Variants in GLB1L2 observed in about 807,000 individuals in gnomAD.
The protein encoded by GLB1L2 is galactosidase beta 1 like 2.
Under a neutral mutation model 84.1 loss-of-function variants are expected in GLB1L2, and 68 were observed. The observed-to-expected ratio is 0.81, with a 90% CI of 0.67 to 0.99. The LOEUF is 0.99. Ranked by LOEUF, GLB1L2 falls within the 50% of genes least tolerant of loss-of-function variation. The pLI is 0.00. For synonymous variants in GLB1L2, 290 were observed against 318.0 expected (o/e 0.91, Z 0.94); for missense variants, 762 against 805.6 (o/e 0.95, Z 0.66).
At chr11:134,361,834 C>T (rs1169575387) in intron 7 of GLB1L2, among the ~76,000 whole-genome samples, 1 of 152,104 alleles carries the variant, frequency 6.6e-6, no homozygotes, top group Admixed American at 6.5e-5. Context: ...CTTGGTGCTC[C>T]GTGGCTTCCC....
intron 15 of GLB1L2, among the ~76,000 whole-genome samples, chr11:134,372,260 T>C (rs545353263): frequency 2.6e-5 from 4 of 152,170 alleles, no homozygotes; most frequent in Non-Finnish European, 5.9e-5. Flanking sequence ...ATCTCAGATG[T>C]TGGGGGAGGA....
In GLB1L2 at chr11:134,368,639, G is replaced by A. The variant is rs374163223; in HGVS notation, c.890-5G>A. 34 of 1,613,278 alleles carry A rather than the reference G, an allele frequency of 2.1e-5. No homozygotes were observed. Among genetic ancestry groups the A allele is most frequent in the East Asian group, 6.7e-5 (3 of 44,900 alleles). On this transcript the variant is annotated splice_polypyrimidine_tract_variant and splice_region_variant and intron_variant, in intron 9 of 18. Coordinates refer to ENST00000535456, the MANE Select transcript of GLB1L2 (RefSeq NM_001370461.1). ...TGCACATCCCCTTTCTCCCTCCTCC[G>A]GCAGAGGTTTTGAAAACCGTGTCTG... is the stretch of plus-strand genomic sequence containing the variant.
At position 134,370,903 on chromosome 11, in the gene GLB1L2, C is replaced by A; in HGVS notation, c.1216-105C>A. ...AATGAGAAGTCAAAGTAGAAAACAC[C>A]CACCAAACCTCCGCTTCCACCCCAT... On this transcript the variant is annotated intron_variant, in intron 12 of 18. Transcript: ENST00000535456. The surrounding 1 kb of genome is among the most constrained non-coding windows in gnomAD (Gnocchi z 4.7). The A allele has an allele frequency of 7.7e-7, 1 of 1,291,832 alleles. No homozygotes were observed. The highest frequency in any genetic ancestry group is 1.1e-6 in the Non-Finnish European group (1 of 921,086). The allele number at this position is 1,291,832 out of a possible 1,614,324, so 80.0% of individuals were successfully genotyped here. A position where few individuals can be genotyped will look rare whatever the true frequency, so the allele number is the denominator to read the frequency against.
rs980759004 is a variant in GLB1L2, at chr11:134,344,948, G to C, written c.354-86G>C. On this transcript the variant is annotated intron_variant, in intron 3 of 18. Transcript: ENST00000535456. ...AGCCGTCCCTTCGCCCCACCAGGCA[G>C]CTCCTCCACCCTGTGATGCGCGTGG... is the stretch of plus-strand genomic sequence containing the variant. 4 of 1,456,568 alleles carry C rather than the reference G, an allele frequency of 2.7e-6. No individual in the cohort carries two copies. In the African/African-American group the frequency reaches 4.1e-5, roughly 15 times the overall value. 90.2% of individuals were successfully genotyped at this position (1,456,568 alleles called of 1,614,324 possible).
intron 7 of GLB1L2, among the ~76,000 whole-genome samples, chr11:134,361,800 G>A (rs1197540079): frequency 6.6e-6 from 1 of 152,092 alleles, no homozygotes; most frequent in Non-Finnish European, 1.5e-5. Flanking sequence ...CCTGCTTCCT[G>A]GAGTTCCAGG....
At chr11:134,367,105 C>T (rs1386324599) in intron 8 of GLB1L2, 152 bp from the exon 9 acceptor site, 1 of 722,412 alleles carries the variant, frequency 1.4e-6, no homozygotes, top group African/African-American at 1.7e-5. Context: ...TGGCCCTCAC[C>T]TATGCCCCAC....
At chr11:134,343,855 G>A (rs537353459) in intron 2 of GLB1L2, among the ~76,000 whole-genome samples, 26 of 152,340 alleles carry the variant, frequency 1.7e-4, no homozygotes, top group African/African-American at 5.5e-4. Flanking sequence ...GAGGCTCTGC[G>A]AAAGCCAGCG....
rs372421571 is a variant in GLB1L2, at chr11:134,371,821, C to T, written c.1498C>T (p.Gln500Ter). Residue 500 changes from glutamine (Q) to a stop codon, truncating the protein, a stop_gained, in exon 15 of 19, where the codon CAG (glutamine) becomes TAG (stop). Coordinates refer to ENST00000535456, the MANE Select transcript of GLB1L2 (RefSeq NM_001370461.1). LOFTEE classifies it high-confidence loss of function. The stretch of plus-strand genomic sequence containing the variant: ...CAACTATGGGGAGAATATTGATGAC[C>T]AGCGCAAAGGTGGGTCCCAGAATGT... ...RVNYGENIDD[Q>*]RKGLIGNLYL... 80 of 1,613,912 alleles carry T rather than the reference C, an allele frequency of 5.0e-5. No homozygotes were observed. The Admixed American group carries it at 1.2e-3, about 25-fold the overall frequency.
rs1489440716 is a variant in GLB1L2 at position 134,334,800 on chromosome 11, T to C, written c.86+2653T>C. On this transcript the variant is annotated intron_variant, in intron 1 of 18. Coordinates refer to ENST00000535456, the MANE Select transcript of GLB1L2 (RefSeq NM_001370461.1). The surrounding 1 kb of genome is among the most constrained non-coding windows in gnomAD (Gnocchi z 4.1). ...GTCTGGCTTCTTTCACTCAGAGTAT[T>C]ATTTTGAGGTCTGCGATGCACGTAT... Among the ~76,000 whole-genome samples, 1 of 152,206 alleles carries C rather than the reference T, an allele frequency of 6.6e-6. No individual in the cohort carries two copies. The highest frequency in any genetic ancestry group is 2.4e-5 in the African/African-American group (1 of 41,448).
At chr11:134,335,835 C>T (rs973995719) in intron 1 of GLB1L2, among the ~76,000 whole-genome samples, 1 of 152,156 alleles carries the variant, frequency 6.6e-6, no homozygotes, top group Non-Finnish European at 1.5e-5. Flanking sequence ...CTGTAGCTTG[C>T]GGAGAAAGGT....
intron 5 of GLB1L2, among the ~76,000 whole-genome samples, chr11:134,348,044 A>G (rs965046633): frequency 6.6e-6 from 1 of 152,238 alleles, no homozygotes; most frequent in Admixed American, 6.5e-5. Flanking sequence ...AGCTTTGGAA[A>G]GCAGGAATGG....
At chr11:134,362,505 C>G (rs79250858) in intron 7 of GLB1L2, among the ~76,000 whole-genome samples, 1 of 152,218 alleles carries the variant, frequency 6.6e-6, no homozygotes, top group Non-Finnish European at 1.5e-5. Flanking sequence ...GTTCTTCCCC[C>G]TGGGATGACT....
chr11:134,371,094 G>T lies in GLB1L2; in HGVS notation c.1302G>T (p.Glu434Asp). 1 of 1,614,208 alleles carries T rather than the reference G, an allele frequency of 6.2e-7. No homozygotes were observed. The highest frequency in any genetic ancestry group is 1.1e-5 in the South Asian group (1 of 91,076). ...NGQSFGYILYETSITSSGILS... is the reference protein window; with the variant it reads ...NGQSFGYILYDTSITSSGILS... ...AGTCCTTCGGGTACATTCTCTATGA[G>T]ACCAGCATCACCTCGTCTGGCATCC... Residue 434 changes from glutamate to aspartate, a missense_variant, in exon 13 of 19, where the codon GAG becomes GAT. Around this residue, in one of 3 missense-constraint regions of GLB1L2, gnomAD observed 603 missense variants for 611.7 expected, o/e 0.99. Coordinates refer to ENST00000535456, the MANE Select transcript of GLB1L2 (RefSeq NM_001370461.1).
chr11:134,371,543 A>C, intron 14 of GLB1L2, 51 bp downstream of exon 14: 1 of 1,180,720 alleles, frequency 8.5e-7, no homozygotes, highest in Non-Finnish European at 1.3e-6. Flanking sequence ...TGCTTCGAGG[A>C]AGTCTGGGGG....
Position 134,370,429 on chromosome 11 carries a change from G to T in GLB1L2, c.1215+30G>T. ...GTGCTGTGGGCAGTCATCGGGAGGTGAGTGAGTGCCGGGGGCAGTCGTTGG... is the reference window on the plus strand; with the variant it reads ...GTGCTGTGGGCAGTCATCGGGAGGTTAGTGAGTGCCGGGGGCAGTCGTTGG... On this transcript the variant is annotated intron_variant, in intron 12 of 18. Coordinates refer to ENST00000535456, the MANE Select transcript of GLB1L2 (RefSeq NM_001370461.1). This position sits in a 1 kb window ranked among gnomAD's most constrained non-coding sequence, Gnocchi z 4.7. 1 of 1,558,128 alleles carries T rather than the reference G, an allele frequency of 6.4e-7. No individual in the cohort carries two copies. Among genetic ancestry groups the T allele is most frequent in the Non-Finnish European group, 8.8e-7 (1 of 1,132,020 alleles).
At position 134,376,285 on chromosome 11, in the gene GLB1L2, A is replaced by T. The variant is rs1036391328; in HGVS notation, c.*1227A>T. ...CCAGCCCAACACCTGGCTTGGGCTC[A>T]CTGTCCTGAGTTGCAGTAAAGCTAT... On this transcript the variant is annotated 3_prime_UTR_variant, in exon 19 of 19. Transcript: ENST00000535456. 1 of 151,970 alleles carries T rather than the reference A, an allele frequency of 6.6e-6. No homozygotes were observed. The highest frequency in any genetic ancestry group is 1.5e-5 in the Non-Finnish European group (1 of 68,128). 9.4% of individuals were successfully genotyped at this position (151,970 alleles called of 1,614,324 possible).
At chr11:134,368,542 G>A in intron 9 of GLB1L2, 102 bp from the exon 10 acceptor site, 2 of 1,252,132 alleles carry the variant, frequency 1.6e-6, no homozygotes, top group Non-Finnish European at 2.3e-6. Flanking sequence ...TTGGCCTTGA[G>A]GTTTTGAGGT....
intron 1 of GLB1L2, among the ~76,000 whole-genome samples, chr11:134,342,060 C>T (rs1211670914): frequency 6.6e-6 from 1 of 151,622 alleles, no homozygotes; most frequent in African/African-American, 2.4e-5. Flanking sequence ...CAGCTTCTCG[C>T]ACGGCTTTCG....
At chr11:134,356,141 A>C in intron 5 of GLB1L2, 160 bp from the exon 6 acceptor site, 1 of 739,694 alleles carries the variant, frequency 1.4e-6, no homozygotes, top group South Asian at 1.4e-5. Context: ...ATGGGAGAAC[A>C]AGGGCCTAGT....
Sources: gnomAD v4.1 joint callset for allele counts (sites outside exome capture counted in the v4.1 genomes callset) on GRCh38, gnomAD v4.1.1 for gene constraint, gnomAD v4.1.1 regional missense constraint, Gnocchi (gnomAD v3.1) non-coding constraint, MANE v1.5 for transcripts, NCBI Gene and HGNC (gene_info 2026-07-23, HGNC 2026-07-21) for gene names.